Variants in TRIM66 observed in about 807,000 individuals in gnomAD.
TRIM66 encodes tripartite motif containing 66.
A neutral mutation model predicts 148.2 loss-of-function variants in TRIM66; 99 were observed. That is an observed-to-expected ratio of 0.67 (90% CI 0.57 to 0.79). The LOEUF (loss-of-function observed/expected upper bound fraction) is 0.79, where lower values mean the gene tolerates loss of function less well. Ranked by LOEUF, TRIM66 falls within the 30% of genes least tolerant of loss-of-function variation. The pLI, the probability that TRIM66 is intolerant of heterozygous loss-of-function variation, is 0.00. For missense variants in TRIM66, 1,666 were observed against 1,697.9 expected (o/e 0.98, Z 0.33); for synonymous variants, 616 against 635.9 (o/e 0.97, Z 0.47).
intron 6 of TRIM66, among the ~76,000 whole-genome samples, chr11:8,654,946 C>T (rs1303336811): frequency 3.9e-5 from 6 of 152,072 alleles, no homozygotes; most frequent in Non-Finnish European, 5.9e-5. Context: ...CTGCAACCTC[C>T]GCCTCCTGGG....
At chr11:8,620,644 T>G in intron 20 of TRIM66, 72 bp from the exon 21 acceptor site, 1 of 1,509,578 alleles carries the variant, frequency 6.6e-7, no homozygotes, top group Admixed American at 2.2e-5. Context: ...CCCTCTGCCC[T>G]ATGGCAGGCG....
At chr11:8,665,822 G>A (rs568357281) in intron 6 of TRIM66, among the ~76,000 whole-genome samples, 32 of 151,590 alleles carry the variant, frequency 2.1e-4, no homozygotes, top group Admixed American at 1.7e-3. Flanking sequence ...GGTGGTGGGC[G>A]CCTGTAGTCC....
chr11:8,649,572 G>C (rs2037171552), intron 8 of TRIM66, among the ~76,000 whole-genome samples, 168 bp downstream of exon 8: 1 of 152,218 alleles, frequency 6.6e-6, no homozygotes, highest in Admixed American at 6.5e-5. Flanking sequence ...GGACGAGAGT[G>C]AGTCACCCCT....
At position 8,648,407 on chromosome 11, in the gene TRIM66, C is replaced by T. The variant is rs1222619116; in HGVS notation, c.725+9G>A. ...CCCCAGCCCATTTCAGGCAGTCTGT[C>T]AGCCCCACCTGTGTTCTTTGTGTTC... On this transcript the variant is annotated intron_variant, in intron 9 of 24. Coordinates refer to ENST00000646038, the MANE Select transcript of TRIM66 (RefSeq NM_001388022.1). 5.2e-6 allele frequency: 8 copies of T among 1,550,834 alleles called. No homozygotes were observed. In the Middle Eastern group the frequency reaches 7.1e-4, roughly 138 times the overall value.
At position 8,621,713 on chromosome 11, in the gene TRIM66, T is replaced by C; in HGVS notation, c.3187A>G (p.Asn1063Asp). Residue 1063 changes from asparagine (N) to aspartate (D), a missense_variant, in exon 19 of 25, where the codon AAT becomes GAT. Physicochemically the swap from Asn to Asp is conservative, Grantham distance 23. Transcript: ENST00000646038. ...AGCAGGAAGCTCCCATCCTGATCAT[T>C]CTTCTGTGGCTTCAGTTTGAACACA... is the stretch of plus-strand genomic sequence containing the variant. ...MPVFKLKPQK[N>D]DQDGSFLLII... The C allele has an allele frequency of 6.4e-7, 1 of 1,551,774 alleles. No individual in the cohort carries two copies.
At position 8,613,460 on chromosome 11, in the gene TRIM66, T is replaced by C. The variant is rs912133444; in HGVS notation, c.*4484A>G. 2 of 152,080 alleles carry C rather than the reference T, an allele frequency of 1.3e-5. No homozygotes were observed. The highest frequency in any genetic ancestry group is 2.9e-5 in the Non-Finnish European group (2 of 68,026). The allele number at this position is 152,080 out of a possible 1,614,324, so 9.4% of individuals were successfully genotyped here. A position where few individuals can be genotyped will look rare whatever the true frequency, so the allele number is the denominator to read the frequency against. On this transcript the variant is annotated 3_prime_UTR_variant, in exon 25 of 25. Transcript: ENST00000646038. ...GTCACTGGTGACTTTTATGAAAAAG[T>C]ATAGAGGGCTGAAGAACAGCTGAGG... is the stretch of plus-strand genomic sequence containing the variant.
Position 8,640,214 on chromosome 11 carries a change from C to T in TRIM66, c.2148+13G>A. On this transcript the variant is annotated intron_variant, in intron 14 of 24. Transcript: ENST00000646038. ...TGGGCAGAATATGCACGCCAAGCCA[C>T]CCTGACGCTTACCTGCAGGGTCTCC... 4 of 1,549,352 alleles carry T rather than the reference C, an allele frequency of 2.6e-6. No individual in the cohort carries two copies. The highest frequency in any genetic ancestry group is 3.5e-6 in the Non-Finnish European group (4 of 1,145,396).
chr11:8,618,698 T>C, intron 24 of TRIM66, 52 bp downstream of exon 24: 8 of 1,506,912 alleles, frequency 5.3e-6, no homozygotes, highest in Non-Finnish European at 5.4e-6. Context: ...TGGGTGCCCC[T>C]CTGCTTGCCT....
chr11:8,628,352 C>T (rs1592044439), intron 15 of TRIM66, among the ~76,000 whole-genome samples: 1 of 151,878 alleles, frequency 6.6e-6, no homozygotes, highest in African/African-American at 2.4e-5. Context: ...GTGGCTCACA[C>T]CTGTAATCCC....
chr11:8,645,531 T>C (rs912844281), intron 12 of TRIM66, among the ~76,000 whole-genome samples: 1 of 152,246 alleles, frequency 6.6e-6, no homozygotes, highest in Non-Finnish European at 1.5e-5. Flanking sequence ...TGTGTCCTCT[T>C]TGCACTATGG....
At chr11:8,664,717 T>C (rs922692942) in intron 6 of TRIM66, among the ~76,000 whole-genome samples, 2 of 152,206 alleles carry the variant, frequency 1.3e-5, no homozygotes. Context: ...TCTATAAATA[T>C]TCACTTAAGA....
At position 8,621,831 on chromosome 11, in the gene TRIM66, C is replaced by A; in HGVS notation, c.3081-12G>T. 6.5e-7 allele frequency: 1 copy of A among 1,532,452 alleles called. No homozygotes were observed. The highest frequency in any genetic ancestry group is 1.4e-5 in the African/African-American group (1 of 72,390). The allele number at this position is 1,532,452 out of a possible 1,614,324, so 94.9% of individuals were successfully genotyped here. A position where few individuals can be genotyped will look rare whatever the true frequency, so the allele number is the denominator to read the frequency against. On this transcript the variant is annotated splice_polypyrimidine_tract_variant and intron_variant, in intron 18 of 24. Coordinates refer to ENST00000646038, the MANE Select transcript of TRIM66 (RefSeq NM_001388022.1). ...CACTATTGAAGGCTCTGCAGCAAGA[C>A]AGACACCCCGGGGTCTTGGTGGGAT...
At chr11:8,682,712 G>C, upstream of TRIM66, 1 of 1,449,028 alleles carries the variant, frequency 6.9e-7, no homozygotes, top group Non-Finnish European at 9.7e-7. Flanking sequence ...CCCGCCCGAA[G>C]CCCGGCCTCT....
Position 8,671,844 on chromosome 11 carries a change from G to A in TRIM66, c.282C>T (p.Phe94=). ...GCCCTAGCTCCTGTATCAAGCCCTG[G>A]AAGCAGTCCTTACGGAGCAAATGCT... ...SCQHLLRKDC[F]QGLIQELGQI... Residue 94 remains phenylalanine, a synonymous_variant, in exon 6 of 25, where the codon TTC becomes TTT. Transcript: ENST00000646038. 1 of 1,531,884 alleles carries A rather than the reference G, an allele frequency of 6.5e-7. No homozygotes were observed. The allele number at this position is 1,531,884 out of a possible 1,614,324, so 94.9% of individuals were successfully genotyped here.
At chr11:8,666,430 T>TA (rs1227710435) in intron 6 of TRIM66, among the ~76,000 whole-genome samples, 2 of 151,828 alleles carry the variant, frequency 1.3e-5, no homozygotes, top group Non-Finnish European at 2.9e-5. Context: ...GGTTCCAAAT[T>TA]AAGCATGTTT....
At chr11:8,618,058 C>A in intron 24 of TRIM66, 55 bp from the exon 25 acceptor site, 1 of 1,490,776 alleles carries the variant, frequency 6.7e-7, no homozygotes, top group Non-Finnish European at 9.1e-7. Context: ...GATTTATTAA[C>A]ATGAAAAGGC....
rs930313607 is a variant in TRIM66, at chr11:8,641,035, G to A, written c.1340C>T (p.Ala447Val). Residue 447 changes from alanine (A) to valine (V), a missense_variant, in exon 14 of 25, where the codon GCT (alanine) becomes GTT (valine). Coordinates refer to ENST00000646038, the MANE Select transcript of TRIM66 (RefSeq NM_001388022.1). ...SHQSPVAQQE[A>V]LSHPSHKFQS... ...GAACTTGTGTGAGGGGTGGCTAAGA[G>A]CCTCTTGCTGAGCCACTGGAGACTG... The A allele has an allele frequency of 6.4e-7, 1 of 1,551,568 alleles. No individual in the cohort carries two copies. The highest frequency in any genetic ancestry group is 1.2e-5 in the South Asian group (1 of 84,064).
At chr11:8,644,690 TAA>T (rs1469135076) in intron 12 of TRIM66, among the ~76,000 whole-genome samples, 1 of 151,988 alleles carries the variant, frequency 6.6e-6, no homozygotes, top group Non-Finnish European at 1.5e-5. Context: ...TTTCCAAGCT[TAA>T]AAAAAAGTTT....
chr11:8,652,417 G>A (rs998804537), intron 6 of TRIM66, among the ~76,000 whole-genome samples: 1 of 152,124 alleles, frequency 6.6e-6, no homozygotes, highest in Non-Finnish European at 1.5e-5. Context: ...CGCTCATCTA[G>A]GAGGTATTTT....
Sources: allele counts gnomAD v4.1 joint callset (sites outside exome capture counted in the v4.1 genomes callset), GRCh38; gene constraint gnomAD v4.1.1; transcripts MANE v1.5; gene names NCBI Gene and HGNC (gene_info 2026-07-23, HGNC 2026-07-21).